NEK6: variants seen among roughly 807,000 people sequenced by gnomAD.
NEK6 encodes NIMA related kinase 6.
Under a neutral mutation model 43.5 loss-of-function variants are expected in NEK6, and 27 were observed. The observed-to-expected ratio is 0.62, with a 90% confidence interval of 0.46 to 0.86. The LOEUF is 0.86. Among genes scored for constraint, NEK6 ranks in the 40% least tolerant of loss-of-function variants. The pLI is 0.00. For synonymous variants in NEK6, 167 were observed against 164.1 expected (o/e 1.02, Z -0.14); for missense variants, 318 against 414.4 (o/e 0.77, Z 2.02).
In NEK6 at chr9:124,343,768, T is replaced by C. The variant is rs763330631; in HGVS notation, c.718-3941T>C. 9.2e-5 allele frequency among the ~76,000 whole-genome samples: 14 copies of C among 152,126 alleles called. No individual in the cohort carries two copies. Among genetic ancestry groups the C allele is most frequent in the African/African-American group, 2.2e-4 (9 of 41,428 alleles). On this transcript the variant is annotated intron_variant, in intron 8 of 9. Transcript: ENST00000320246. The surrounding 1 kb of genome is among the most constrained non-coding windows in gnomAD (Gnocchi z 5.1). Reference sequence around the variant, plus strand: ...AGCTGAGGATCCTGCACAGGGCACATACCCAGGTCACCTGGGCCCTGGTGA... The same window carrying C: ...AGCTGAGGATCCTGCACAGGGCACACACCCAGGTCACCTGGGCCCTGGTGA...
chr9:124,309,382 C>T lies in NEK6; in HGVS notation c.91-3127C>T, dbSNP rs145741798. 8.2e-4 allele frequency among the ~76,000 whole-genome samples: 125 copies of T among 152,344 alleles called. 2 individuals carry two copies. In the East Asian group the frequency reaches 0.022, roughly 26 times the overall value. ...AGCTGCACGGTGTAGCCTCCCAGGACGGGCAGTGTTGGGAACCCCGGCCAG... is the reference window on the plus strand; with the variant it reads ...AGCTGCACGGTGTAGCCTCCCAGGATGGGCAGTGTTGGGAACCCCGGCCAG... On this transcript the variant is annotated intron_variant, in intron 2 of 9. Transcript: ENST00000320246.
intron 1 of NEK6, among the ~76,000 whole-genome samples, chr9:124,297,712 T>C (rs561307506): frequency 6.6e-6 from 1 of 152,346 alleles, no homozygotes; most frequent in East Asian, 1.9e-4. Context: ...GACTTGGGCT[T>C]GGCAGCTACT....
At chr9:124,296,989 T>C (rs922351750) in intron 1 of NEK6, among the ~76,000 whole-genome samples, 3 of 152,202 alleles carry the variant, frequency 2.0e-5, no homozygotes, top group Non-Finnish European at 4.4e-5. Flanking sequence ...ACAGCCCACA[T>C]TAGTGAGAGC....
chr9:124,304,987 A>G (rs1374281740), intron 2 of NEK6, among the ~76,000 whole-genome samples: 1 of 152,218 alleles, frequency 6.6e-6, no homozygotes, highest in African/African-American at 2.4e-5. Context: ...CACCTGACAC[A>G]CTAAGAACCA....
rs917345221 is a variant in NEK6 at position 124,267,557 on chromosome 9, G to T, written c.-30+9472G>T. ...TTTGTCTGTGCAGACGCTGGGACAA[G>T]TGTGGGAGCCGCCTGCTCTTGGAGC... is the stretch of plus-strand genomic sequence containing the variant. On this transcript the variant is annotated intron_variant, in intron 1 of 9. Transcript: ENST00000320246. Among the ~76,000 whole-genome samples the T allele has an allele frequency of 2.0e-5, 3 of 152,250 alleles. 1 individual carries two copies. Among genetic ancestry groups the T allele is most frequent in the East Asian group, 3.8e-4 (2 of 5,204 alleles).
chr9:124,316,294 C>T (rs931712531), intron 4 of NEK6, among the ~76,000 whole-genome samples: 10 of 152,210 alleles, frequency 6.6e-5, no homozygotes, highest in Admixed American at 2.6e-4. Context: ...GGAACGCAGG[C>T]GTGTGTTCAT....
intron 1 of NEK6, chr9:124,258,365 A>C (rs1830892318): frequency 1.0e-6 from 1 of 983,356 alleles, no homozygotes; most frequent in Non-Finnish European, 1.2e-6. Flanking sequence ...TGTTGGGGTG[A>C]GTGCGTGCGG....
chr9:124,267,905 G>T (rs1831287995), intron 1 of NEK6, among the ~76,000 whole-genome samples: 2 of 152,216 alleles, frequency 1.3e-5, no homozygotes, highest in South Asian at 4.1e-4. Flanking sequence ...TTCAGACATT[G>T]ATCACCTGTA....
In NEK6 at chr9:124,326,202, T is replaced by TCCCAC; in HGVS notation, c.406-125_406-124insACCCC. Reference sequence around the variant, plus strand: ...GCTTATTGTTTGCTCAGTGGCTCAATCCCCCCCCCCCGCCCCTGCCAGGCA... The same window carrying TCCCAC: ...GCTTATTGTTTGCTCAGTGGCTCAATCCCACCCCCCCCCCCCGCCCCTGCCAGGCA... On this transcript the variant is annotated intron_variant, in intron 5 of 9. Transcript: ENST00000320246. The surrounding 1 kb of genome is among the most constrained non-coding windows in gnomAD (Gnocchi z 4.5). The TCCCAC allele has an allele frequency of 2.4e-5, 3 of 124,052 alleles. No individual in the cohort carries two copies. Among genetic ancestry groups the TCCCAC allele is most frequent in the Non-Finnish European group, 5.9e-5 (3 of 50,618 alleles). 7.7% of individuals were successfully genotyped at this position (124,052 alleles called of 1,614,324 possible). A position where few individuals can be genotyped will look rare whatever the true frequency, so the allele number is the denominator to read the frequency against.
chr9:124,298,606 T>C (rs1832812414), intron 1 of NEK6, among the ~76,000 whole-genome samples: 1 of 151,966 alleles, frequency 6.6e-6, no homozygotes, highest in South Asian at 2.1e-4. Flanking sequence ...AGAGGGCCCA[T>C]TCGGGGTGGA....
chr9:124,351,267 G>T lies in NEK6; in HGVS notation c.*320G>T. 3.7e-6 allele frequency: 1 copy of T among 271,286 alleles called. No individual in the cohort carries two copies. The highest frequency in any genetic ancestry group is 7.2e-6 in the Non-Finnish European group (1 of 139,642). The allele number at this position is 271,286 out of a possible 1,614,324, so 16.8% of individuals were successfully genotyped here. On this transcript the variant is annotated 3_prime_UTR_variant, in exon 10 of 10. Transcript: ENST00000320246. The stretch of plus-strand genomic sequence containing the variant: ...CTGGATTGTAATGTGAATCTTTAGG[G>T]TAATTCCTCCAGTGACCTGTCAAGG...
intron 1 of NEK6, among the ~76,000 whole-genome samples, chr9:124,280,609 C>T (rs1831860691): frequency 6.6e-6 from 1 of 152,164 alleles, no homozygotes; most frequent in Non-Finnish European, 1.5e-5. Flanking sequence ...TGACCAGTGT[C>T]CATTGGGTCA....
intron 2 of NEK6, among the ~76,000 whole-genome samples, chr9:124,309,486 G>C (rs1329183371): frequency 6.6e-6 from 1 of 152,156 alleles, no homozygotes; most frequent in Admixed American, 6.5e-5. Context: ...ACCCTTCACT[G>C]TGCCTGGGGG....
chr9:124,308,581 G>A (rs189361448), intron 2 of NEK6, among the ~76,000 whole-genome samples: 4 of 152,098 alleles, frequency 2.6e-5, no homozygotes, highest in Admixed American at 6.5e-5. Flanking sequence ...GCTTGAACCC[G>A]GGAGGCGGAG....
rs759381068 is a variant in NEK6 at position 124,281,487 on chromosome 9, C to CTTTTTTTTT, written c.-29-20427_-29-20419dup. Among the ~76,000 whole-genome samples the CTTTTTTTTT allele has an allele frequency of 5.5e-4, 57 of 102,942 alleles. 3 individuals carry two copies. Among genetic ancestry groups the CTTTTTTTTT allele is most frequent in the African/African-American group, 1.1e-3 (28 of 25,700 alleles). The allele number at this position is 102,942 out of a possible 152,430, so 67.5% of individuals were successfully genotyped here. A position where few individuals can be genotyped will look rare whatever the true frequency, so the allele number is the denominator to read the frequency against. ...CTACTTTCCATGTCAGCTGTTTTTT[C>CTTTTTTTTT]TTTTTTTTTTTTTTTTTTTTTTTTT... On this transcript the variant is annotated intron_variant, in intron 1 of 9. Coordinates refer to ENST00000320246, the MANE Select transcript of NEK6 (RefSeq NM_014397.6).
intron 1 of NEK6, among the ~76,000 whole-genome samples, chr9:124,273,356 G>C (rs148143385): frequency 6.6e-6 from 1 of 152,206 alleles, no homozygotes; most frequent in Admixed American, 6.5e-5. Context: ...GATCCCGAAT[G>C]GGGGAGGGGA....
At chr9:124,257,844 C>T (rs1255533342), upstream of NEK6, 12 of 1,082,850 alleles carry the variant, frequency 1.1e-5, no homozygotes, top group African/African-American at 3.3e-5. Context: ...CGCCGGGGCG[C>T]CCCCCGCCCC....
chr9:124,267,101 T>C (rs1831260299), intron 1 of NEK6, among the ~76,000 whole-genome samples: 1 of 152,236 alleles, frequency 6.6e-6, no homozygotes, highest in Non-Finnish European at 1.5e-5. Flanking sequence ...GGCATATCTT[T>C]TGGGGTTGCT....
intron 1 of NEK6, chr9:124,291,696 G>A (rs760307902): frequency 1.0e-5 from 3 of 291,554 alleles, no homozygotes; most frequent in Non-Finnish European, 1.5e-5. Flanking sequence ...GCCCCAGTGT[G>A]GATAGGTGGG....
Sources: gnomAD v4.1 joint callset for allele counts (sites outside exome capture counted in the v4.1 genomes callset) on GRCh38, gnomAD v4.1.1 for gene constraint, Gnocchi (gnomAD v3.1) non-coding constraint, MANE v1.5 for transcripts, NCBI Gene and HGNC (gene_info 2026-07-23, HGNC 2026-07-21) for gene names.